Variants in NLGN1 observed in about 807,000 individuals in gnomAD.
NLGN1 encodes neuroligin 1.
A neutral mutation model predicts 65.5 loss-of-function variants in NLGN1; 12 were observed. That is an observed-to-expected ratio of 0.18 (90% CI 0.12 to 0.30). The LOEUF is 0.30. Among genes scored for constraint, NLGN1 ranks in the 10% least tolerant of loss-of-function variants. The probability of loss-of-function intolerance (pLI) is 1.00; values close to 1 mark genes in which losing one functional copy is unlikely to be tolerated. For missense variants in NLGN1, 750 were observed against 1,007.1 expected, an observed-to-expected ratio of 0.74 and a Z score of 3.46; for synonymous variants, 350 against 359.5, an observed-to-expected ratio of 0.97 and a Z score of 0.30.
chr3:173,435,376 C>A (rs183001702), intron 2 of NLGN1, among the ~76,000 whole-genome samples: 138 of 152,208 alleles, frequency 9.1e-4, no homozygotes, highest in Middle Eastern at 6.8e-3. Flanking sequence ...AAATTTCTTT[C>A]CCTTTTTCAG....
At chr3:173,973,572 A>G (rs1716760570) in intron 4 of NLGN1, among the ~76,000 whole-genome samples, 1 of 152,062 alleles carries the variant, frequency 6.6e-6, no homozygotes, top group Non-Finnish European at 1.5e-5. Context: ...GAAACACTTT[A>G]AATGTTTCTT....
chr3:173,937,154 G>C (rs1745214387), intron 4 of NLGN1, among the ~76,000 whole-genome samples: 1 of 152,034 alleles, frequency 6.6e-6, no homozygotes, highest in Admixed American at 6.6e-5. Flanking sequence ...AAGATGTTTA[G>C]AAATGTGACC....
intron 4 of NLGN1, among the ~76,000 whole-genome samples, chr3:174,247,260 C>T (rs1743973054): frequency 6.6e-6 from 1 of 152,130 alleles, no homozygotes. Flanking sequence ...AATGTACAGT[C>T]GTTGAATGAC....
At chr3:173,512,090 G>A (rs1430578964) in intron 2 of NLGN1, among the ~76,000 whole-genome samples, 1 of 152,146 alleles carries the variant, frequency 6.6e-6, no homozygotes, top group African/African-American at 2.4e-5. Context: ...GAGTGTCCAG[G>A]TCAGGGTGCC....
intron 3 of NLGN1, among the ~76,000 whole-genome samples, chr3:173,718,087 C>G (rs976739086): frequency 6.6e-6 from 1 of 151,972 alleles, no homozygotes; most frequent in Non-Finnish European, 1.5e-5. Flanking sequence ...CTATGTGTAG[C>G]GATCAAATTA....
intron 3 of NLGN1, among the ~76,000 whole-genome samples, chr3:173,792,920 C>T (rs1337438114): frequency 1.3e-5 from 2 of 152,002 alleles, no homozygotes; most frequent in Non-Finnish European, 2.9e-5. Context: ...AGTGTTAAAC[C>T]ATATTTAGTT....
At chr3:173,475,915 C>G (rs1309572151) in intron 2 of NLGN1, among the ~76,000 whole-genome samples, 1 of 152,206 alleles carries the variant, frequency 6.6e-6, no homozygotes, top group Non-Finnish European at 1.5e-5. Flanking sequence ...TAAACAAGCA[C>G]TGCACTTTAA....
intron 4 of NLGN1, among the ~76,000 whole-genome samples, chr3:174,088,378 T>C (rs116482883): frequency 0.023 from 3,467 of 152,276 alleles, 56 homozygotes; most frequent in Non-Finnish European, 0.028. Flanking sequence ...TTTTACTGCC[T>C]TTATTGCCGC....
chr3:173,658,337 T>C (rs1434253149), intron 3 of NLGN1, among the ~76,000 whole-genome samples: 1 of 151,922 alleles, frequency 6.6e-6, no homozygotes, highest in Non-Finnish European at 1.5e-5. Context: ...ATTCCATTAA[T>C]TGCTTTACAG....
chr3:173,449,489 G>A (rs940530644), intron 2 of NLGN1, among the ~76,000 whole-genome samples: 2 of 152,030 alleles, frequency 1.3e-5, no homozygotes, highest in African/African-American at 4.8e-5. Flanking sequence ...CCAACTATGT[G>A]GTCAATTTTG....
chr3:174,102,436 G>A (rs1561046575), intron 4 of NLGN1, among the ~76,000 whole-genome samples: 2 of 152,072 alleles, frequency 1.3e-5, no homozygotes, highest in Non-Finnish European at 2.9e-5. Flanking sequence ...TTACAGATGT[G>A]GAAAAGGGGT....
intron 4 of NLGN1, among the ~76,000 whole-genome samples, chr3:174,171,351 A>G (rs1246491016): frequency 6.6e-6 from 1 of 152,168 alleles, no homozygotes; most frequent in Non-Finnish European, 1.5e-5. Context: ...AGCATCACGA[A>G]CAAAATTAAC....
At chr3:173,728,153 T>G (rs1772128641) in intron 3 of NLGN1, among the ~76,000 whole-genome samples, 1 of 152,090 alleles carries the variant, frequency 6.6e-6, no homozygotes, top group Admixed American at 6.6e-5. Context: ...GCACTAAGGT[T>G]GGGTAGAATT....
chr3:173,820,313 T>C (rs1720025295), intron 4 of NLGN1, among the ~76,000 whole-genome samples: 1 of 70,914 alleles, frequency 1.4e-5, no homozygotes, highest in African/African-American at 6.0e-5. Context: ...AGCTGCAATT[T>C]ATTTTAAATT....
intron 4 of NLGN1, among the ~76,000 whole-genome samples, chr3:173,866,157 T>G (rs1016138449): frequency 6.6e-6 from 1 of 152,166 alleles, no homozygotes; most frequent in Non-Finnish European, 1.5e-5. Flanking sequence ...AGAATGTATT[T>G]GTGAATTGCA....
chr3:173,413,390 A>G (rs1713009194), intron 1 of NLGN1, among the ~76,000 whole-genome samples: 2 of 152,116 alleles, frequency 1.3e-5, no homozygotes, highest in Admixed American at 1.3e-4. Flanking sequence ...TCACAAGGTC[A>G]GGAGTTCAAG....
chr3:173,584,304 T>C (rs1283261687), intron 2 of NLGN1, among the ~76,000 whole-genome samples: 2 of 148,242 alleles, frequency 1.3e-5, no homozygotes, highest in Non-Finnish European at 3.0e-5. Flanking sequence ...CCCTGCAATA[T>C]CGCCTGGAGC....
At chr3:173,518,528 GTA>G (rs1259064425) in intron 2 of NLGN1, among the ~76,000 whole-genome samples, 13 of 149,364 alleles carry the variant, frequency 8.7e-5, no homozygotes, top group Admixed American at 5.4e-4. Flanking sequence ...ATGAGTATGT[GTA>G]TGTGTGTGTG....
chr3:174,160,077 C>T (rs932045534), intron 4 of NLGN1, among the ~76,000 whole-genome samples: 9 of 151,406 alleles, frequency 5.9e-5, no homozygotes, highest in Non-Finnish European at 8.9e-5. Flanking sequence ...ATCTCTAGAA[C>T]GCCAAAATAA....
Sources: gnomAD v4.1 joint callset for allele counts (sites outside exome capture counted in the v4.1 genomes callset) on GRCh38, gnomAD v4.1.1 for gene constraint, MANE v1.5 for transcripts, NCBI Gene and HGNC (gene_info 2026-07-23, HGNC 2026-07-21) for gene names.